Variants in DOCK5 observed in about 807,000 individuals in gnomAD.
The protein encoded by DOCK5 is dedicator of cytokinesis 5, also known as dedicator of cytokinesis protein 5.
DOCK5 carries 142 observed loss-of-function variants against 251.8 expected under a neutral mutation model. That is an observed-to-expected ratio of 0.56 (90% CI 0.49 to 0.65). DOCK5 has a LOEUF of 0.65. DOCK5 is among the 30% of genes least tolerant of loss of function. The probability of loss-of-function intolerance (pLI) is 0.00; values close to 1 mark genes in which losing one functional copy is unlikely to be tolerated. For missense variants in DOCK5, 2,111 were observed against 2,312.3 expected (o/e 0.91, Z 1.79); for synonymous variants, 842 against 835.5 (o/e 1.01, Z -0.13).
chr8:25,400,858 C>G, intron 46 of DOCK5, 71 bp from the exon 47 acceptor site: 1 of 1,576,624 alleles, frequency 6.3e-7, no homozygotes, highest in South Asian at 1.1e-5. Flanking sequence ...CCATCCCTCC[C>G]TTCCCCAACC....
intron 1 of DOCK5, among the ~76,000 whole-genome samples, chr8:25,203,560 C>T (rs1801929679): frequency 6.6e-6 from 1 of 152,158 alleles, no homozygotes; most frequent in Non-Finnish European, 1.5e-5. Flanking sequence ...ATTCTGACAA[C>T]ATGACTTATT....
Position 25,212,875 on chromosome 8 carries a change from G to A in DOCK5, c.43+27924G>A, listed in dbSNP as rs1007714968. On this transcript the variant is annotated intron_variant, in intron 1 of 51. Coordinates refer to ENST00000276440, the MANE Select transcript of DOCK5 (RefSeq NM_024940.8). ...AAATAGATTAAGGCACGAGGGCTTG[G>A]CGTGGCTTAATTGACCCCTGAGTTT... 8.7e-5 allele frequency among the ~76,000 whole-genome samples: 6 copies of A among 68,988 alleles called. 2 individuals carry two copies. Among genetic ancestry groups the A allele is most frequent in the African/African-American group, 2.0e-4 (6 of 30,394 alleles). The allele number at this position is 68,988 out of a possible 152,430, so 45.3% of individuals were successfully genotyped here. A position where few individuals can be genotyped will look rare whatever the true frequency, so the allele number is the denominator to read the frequency against.
At chr8:25,295,384 T>TA (rs111628470) in intron 6 of DOCK5, among the ~76,000 whole-genome samples, 10,343 of 143,356 alleles carry the variant, frequency 0.072, 417 homozygotes, top group Middle Eastern at 0.1. Flanking sequence ...AGGCTGTCTC[T>TA]AAAAAAAATA....
intron 39 of DOCK5, among the ~76,000 whole-genome samples, chr8:25,380,758 A>G (rs1052913153): frequency 6.6e-6 from 1 of 152,156 alleles, no homozygotes; most frequent in Non-Finnish European, 1.5e-5. Context: ...CCATATTCCC[A>G]GCCATCAGTA....
Position 25,295,694 on chromosome 8 carries a change from G to A in DOCK5, c.471-819G>A, listed in dbSNP as rs567697176. 3.3e-5 allele frequency among the ~76,000 whole-genome samples: 5 copies of A among 152,200 alleles called. No homozygotes were observed. In the South Asian group the frequency reaches 6.2e-4, roughly 19 times the overall value. ...GCAATGTAATAAACAGTGAGACCAC[G>A]CCCACTTGGTCTGTTCCTTTACTCA... On this transcript the variant is annotated intron_variant, in intron 6 of 51. Transcript: ENST00000276440.
intron 1 of DOCK5, among the ~76,000 whole-genome samples, chr8:25,213,980 G>A (rs1422599653): frequency 3.9e-5 from 6 of 152,090 alleles, no homozygotes; most frequent in Non-Finnish European, 7.4e-5. Context: ...GACATCTTGG[G>A]GATGGGACCC....
intron 6 of DOCK5, among the ~76,000 whole-genome samples, chr8:25,295,907 C>G (rs1454354510): frequency 1.3e-5 from 2 of 152,110 alleles, no homozygotes; most frequent in Non-Finnish European, 2.9e-5. Flanking sequence ...GCAGCCTCAA[C>G]TTCCTGGGCT....
chr8:25,187,364 TTGTG>T (rs34685735), intron 1 of DOCK5, among the ~76,000 whole-genome samples: 1,406 of 136,580 alleles, frequency 0.01, 15 homozygotes, highest in African/African-American at 0.029. Flanking sequence ...TGGGTGGAAA[TTGTG>T]TGTGTGTGTG....
At chr8:25,386,256 T>C (rs945490026) in intron 40 of DOCK5, among the ~76,000 whole-genome samples, 2 of 151,976 alleles carry the variant, frequency 1.3e-5, no homozygotes, top group Non-Finnish European at 2.9e-5. Context: ...TGGTTGGGGA[T>C]GAGGTGGACC....
At chr8:25,204,422 A>T (rs1425630256) in intron 1 of DOCK5, among the ~76,000 whole-genome samples, 1 of 152,150 alleles carries the variant, frequency 6.6e-6, no homozygotes, top group Non-Finnish European at 1.5e-5. Flanking sequence ...TAGTTTTTCC[A>T]TCTGCAAAAC....
chr8:25,233,763 ATTTT>A (rs915276685), intron 1 of DOCK5, among the ~76,000 whole-genome samples: 5 of 151,656 alleles, frequency 3.3e-5, no homozygotes, highest in African/African-American at 1.2e-4. Context: ...TTTTTAAAAA[ATTTT>A]GTTTTATTTT....
At chr8:25,229,493 T>G (rs2117516459) in intron 1 of DOCK5, among the ~76,000 whole-genome samples, 1 of 149,108 alleles carries the variant, frequency 6.7e-6, no homozygotes. Context: ...AAAAAAAAAG[T>G]GCAGTTCCGG....
At chr8:25,336,582 G>A (rs1178255019) in intron 22 of DOCK5, among the ~76,000 whole-genome samples, 1 of 152,170 alleles carries the variant, frequency 6.6e-6, no homozygotes, top group Non-Finnish European at 1.5e-5. Context: ...AAATTCTGGG[G>A]CAGTAATGAC....
At chr8:25,321,452 A>G (rs1468561406) in intron 16 of DOCK5, among the ~76,000 whole-genome samples, 1 of 152,220 alleles carries the variant, frequency 6.6e-6, no homozygotes, top group Non-Finnish European at 1.5e-5. Context: ...AAATAATTAT[A>G]CAACTCACCA....
intron 3 of DOCK5, 62 bp downstream of exon 3, chr8:25,268,947 C>T (rs1458019737): frequency 9.5e-6 from 13 of 1,368,632 alleles, no homozygotes; most frequent in Non-Finnish European, 1.2e-5. Flanking sequence ...TTGTATTGTG[C>T]TATGTGACCC....
At chr8:25,398,462 G>C (rs1323925650) in intron 45 of DOCK5, among the ~76,000 whole-genome samples, 2 of 152,112 alleles carry the variant, frequency 1.3e-5, no homozygotes, top group Admixed American at 1.3e-4. Context: ...CTGTAACAAA[G>C]TTCTCCAAAC....
At position 25,230,774 on chromosome 8, in the gene DOCK5, C is replaced by A. The variant is rs1293927324; in HGVS notation, c.44-12900C>A. Among the ~76,000 whole-genome samples, 4 of 152,118 alleles carry A rather than the reference C, an allele frequency of 2.6e-5. No individual in the cohort carries two copies. The East Asian group carries it at 7.7e-4, about 29-fold the overall frequency. On this transcript the variant is annotated intron_variant, in intron 1 of 51. Transcript: ENST00000276440. Reference sequence around the variant, plus strand: ...GCTGAGGCAGGAGAATCACTTGAACCTGGGAAGGGGAGGTTGCAGTGAGCC... The same window carrying A: ...GCTGAGGCAGGAGAATCACTTGAACATGGGAAGGGGAGGTTGCAGTGAGCC...
At chr8:25,242,153 T>TA (rs969898022) in intron 1 of DOCK5, among the ~76,000 whole-genome samples, 22 of 148,766 alleles carry the variant, frequency 1.5e-4, no homozygotes, top group African/African-American at 3.4e-4. Flanking sequence ...AAAGAATAAT[T>TA]AAAAAAAAAA....
intron 5 of DOCK5, 106 bp from the exon 6 acceptor site, chr8:25,291,918 C>A: frequency 9.8e-7 from 1 of 1,024,144 alleles, no homozygotes; most frequent in Non-Finnish European, 1.3e-6. Context: ...TCCCTCTCAT[C>A]TGTCTGACAT....
Sources: allele counts gnomAD v4.1 joint callset (sites outside exome capture counted in the v4.1 genomes callset), GRCh38; gene constraint gnomAD v4.1.1; transcripts MANE v1.5; gene names NCBI Gene and HGNC (gene_info 2026-07-23, HGNC 2026-07-21).